CPSF3: variants seen among roughly 807,000 people sequenced by gnomAD.
CPSF3 encodes the protein cleavage and polyadenylation specificity factor subunit 3.
CPSF3 carries 57 observed loss-of-function variants against 84.1 expected under a neutral mutation model. The observed-to-expected ratio is 0.68, with a 90% confidence interval of 0.55 to 0.85. The LOEUF is 0.85. CPSF3 is among the 40% of genes least tolerant of loss of function. The pLI is 0.00. For missense variants in CPSF3, 522 were observed against 838.8 expected (o/e 0.62, Z 4.66); for synonymous variants, 275 against 278.1 (o/e 0.99, Z 0.11).
chr2:9,437,141 C>T (rs1410316292), intron 7 of CPSF3, among the ~76,000 whole-genome samples: 9 of 152,092 alleles, frequency 5.9e-5, no homozygotes, highest in Non-Finnish European at 7.4e-5. Flanking sequence ...TGGTGGCTCA[C>T]GCCTGTAATC....
intron 6 of CPSF3, among the ~76,000 whole-genome samples, chr2:9,435,491 G>A (rs139607736): frequency 6.5e-4 from 98 of 150,442 alleles, no homozygotes; most frequent in Admixed American, 1.9e-3. Context: ...GCATGATCTC[G>A]GCTCACTGCA....
intron 11 of CPSF3, among the ~76,000 whole-genome samples, chr2:9,452,457 C>A (rs916338791): frequency 1.3e-5 from 2 of 152,064 alleles, no homozygotes; most frequent in African/African-American, 4.8e-5. Flanking sequence ...TTTTTATTGA[C>A]CTTTTTATTC....
chr2:9,445,642 G>T (rs1681103455), intron 10 of CPSF3, among the ~76,000 whole-genome samples: 1 of 152,138 alleles, frequency 6.6e-6, no homozygotes, highest in African/African-American at 2.4e-5. Flanking sequence ...CTTATTGTCT[G>T]TGTGCATGAA....
intron 3 of CPSF3, 93 bp downstream of exon 3, chr2:9,430,113 G>C (rs1680529302): frequency 1.3e-6 from 1 of 757,688 alleles, no homozygotes; most frequent in Admixed American, 2.9e-5. Flanking sequence ...TTTTTTAAAA[G>C]AGTGTTTTCT....
chr2:9,438,884 C>T (rs1680874984), intron 7 of CPSF3, among the ~76,000 whole-genome samples: 1 of 152,172 alleles, frequency 6.6e-6, no homozygotes, highest in Non-Finnish European at 1.5e-5. Context: ...AGAACAGCTG[C>T]TTTCAAATCT....
chr2:9,462,402 G>T (rs1681759776), intron 15 of CPSF3, among the ~76,000 whole-genome samples: 1 of 152,142 alleles, frequency 6.6e-6, no homozygotes, highest in Non-Finnish European at 1.5e-5. Context: ...CACTTTTTTA[G>T]GCCGGTTAGG....
chr2:9,467,575 C>T (rs536345130), intron 15 of CPSF3, 132 bp from the exon 16 acceptor site: 2 of 539,178 alleles, frequency 3.7e-6, no homozygotes, highest in East Asian at 6.3e-5. Flanking sequence ...ATACAAATCC[C>T]TGCTTGTCAC....
intron 11 of CPSF3, among the ~76,000 whole-genome samples, chr2:9,452,246 T>G (rs998847392): frequency 5.9e-5 from 9 of 151,390 alleles, no homozygotes; most frequent in African/African-American, 2.2e-4. Context: ...GGAGAATCGC[T>G]TGAACCCGGG....
intron 10 of CPSF3, among the ~76,000 whole-genome samples, chr2:9,444,706 C>T (rs1356394284): frequency 6.6e-6 from 1 of 151,926 alleles, no homozygotes; most frequent in Admixed American, 6.6e-5. Context: ...GCTCTGTTGC[C>T]TAGGCTGGAG....
At chr2:9,471,220 A>T (rs1682150386) in intron 16 of CPSF3, 123 bp from the exon 17 acceptor site, 1 of 605,814 alleles carries the variant, frequency 1.7e-6, no homozygotes, top group East Asian at 3.1e-5. Context: ...TCTCAAAAAA[A>T]AAAAGAAAAA....
intron 14 of CPSF3, among the ~76,000 whole-genome samples, chr2:9,458,007 C>T (rs533012800): frequency 5.3e-5 from 8 of 152,186 alleles, no homozygotes; most frequent in East Asian, 3.9e-4. Flanking sequence ...CCACCCGCCT[C>T]GCATACATTC....
At chr2:9,449,484 G>A (rs1681243679) in intron 11 of CPSF3, among the ~76,000 whole-genome samples, 1 of 151,486 alleles carries the variant, frequency 6.6e-6, no homozygotes, top group Admixed American at 6.6e-5. Context: ...GCTCACTCCT[G>A]TAATCCCAGG....
At chr2:9,466,119 T>C (rs934267531) in intron 15 of CPSF3, among the ~76,000 whole-genome samples, 1 of 152,150 alleles carries the variant, frequency 6.6e-6, no homozygotes, top group African/African-American at 2.4e-5. Flanking sequence ...GGGGAGCAGA[T>C]TGCTTGAACC....
rs61487619 is a variant in CPSF3 at position 9,426,875 on chromosome 2, C to CAAA, written c.51-1878_51-1876dup. On this transcript the variant is annotated intron_variant, in intron 1 of 17. Transcript: ENST00000238112. ...TGGGCAACATAGGGGGACCTTGTCTCAAAAAAAAAAAAAAGACTGAAATGA... is the reference window on the plus strand; with the variant it reads ...TGGGCAACATAGGGGGACCTTGTCTCAAAAAAAAAAAAAAAAAGACTGAAATGA... 4.6e-3 allele frequency among the ~76,000 whole-genome samples: 608 copies of CAAA among 131,206 alleles called. 16 individuals are homozygous for CAAA. Among genetic ancestry groups the CAAA allele is most frequent in the African/African-American group, 9.8e-3 (347 of 35,414 alleles). The allele number at this position is 131,206 out of a possible 152,430, so 86.1% of individuals were successfully genotyped here. A position where few individuals can be genotyped will look rare whatever the true frequency, so the allele number is the denominator to read the frequency against.
chr2:9,460,587 A>G (rs938875086), intron 15 of CPSF3, among the ~76,000 whole-genome samples: 6 of 152,168 alleles, frequency 3.9e-5, no homozygotes, highest in African/African-American at 1.4e-4. Flanking sequence ...TTGCAACCAG[A>G]GAAAACAGTG....
chr2:9,444,560 T>C (rs1471256350), intron 10 of CPSF3, among the ~76,000 whole-genome samples: 1 of 152,174 alleles, frequency 6.6e-6, no homozygotes, highest in African/African-American at 2.4e-5. Flanking sequence ...CATGTGTCCA[T>C]AGAAAATAGA....
chr2:9,454,844 C>T (rs750918290), intron 12 of CPSF3, among the ~76,000 whole-genome samples: 2 of 151,718 alleles, frequency 1.3e-5, no homozygotes, highest in East Asian at 2.0e-4. Flanking sequence ...GCGCCGGGCC[C>T]GAGCTCTTAC....
rs373461180 is a variant in CPSF3, at chr2:9,466,222, G to GCA, written c.1787-1475_1787-1474dup. Among the ~76,000 whole-genome samples, 1,259 of 132,790 alleles carry GCA rather than the reference G, an allele frequency of 9.5e-3. 21 individuals are homozygous for GCA. Among genetic ancestry groups the GCA allele is most frequent in the African/African-American group, 0.034 (1,184 of 35,042 alleles). The allele number at this position is 132,790 out of a possible 152,430, so 87.1% of individuals were successfully genotyped here. ...CACACACACACGCGCACACACGCAC[G>GCA]CACACACACACGTGCGCGCACGCAC... On this transcript the variant is annotated intron_variant, in intron 15 of 17. Coordinates refer to ENST00000238112, the MANE Select transcript of CPSF3 (RefSeq NM_016207.4).
intron 5 of CPSF3, among the ~76,000 whole-genome samples, chr2:9,433,013 T>C (rs978456963): frequency 1.3e-5 from 2 of 152,246 alleles, no homozygotes; most frequent in Non-Finnish European, 2.9e-5. Flanking sequence ...TCTTTGTGGC[T>C]GCATTCGTTT....
Sources: allele counts gnomAD v4.1 joint callset (sites outside exome capture counted in the v4.1 genomes callset), GRCh38; gene constraint gnomAD v4.1.1; transcripts MANE v1.5; gene names NCBI Gene and HGNC (gene_info 2026-07-23, HGNC 2026-07-21).